ULK4: variants seen among roughly 807,000 people sequenced by gnomAD.
ULK4 encodes unc-51 like kinase 4.
In ULK4, 133 loss-of-function variants were observed where a neutral mutation model predicts 160.6. The observed-to-expected ratio is 0.83, with a 90% CI of 0.72 to 0.96. ULK4 has a LOEUF of 0.96. Ranked by LOEUF, ULK4 falls within the 40% of genes least tolerant of loss-of-function variation. The probability of loss-of-function intolerance (pLI) is 0.00; values close to 1 mark genes in which losing one functional copy is unlikely to be tolerated. For missense variants in ULK4, 1,580 were observed against 1,499.5 expected (o/e 1.05, Z -0.89); for synonymous variants, 534 against 539.8 (o/e 0.99, Z 0.15).
intron 32 of ULK4, among the ~76,000 whole-genome samples, chr3:41,562,088 A>G (rs1053868496): frequency 6.6e-6 from 1 of 152,198 alleles, no homozygotes; most frequent in Non-Finnish European, 1.5e-5. Context: ...TTCAAAGAAC[A>G]TCTTTATTTC....
intron 21 of ULK4, among the ~76,000 whole-genome samples, chr3:41,783,170 GAGGTAAATGTTTA>G: frequency 6.6e-6 from 1 of 151,848 alleles, no homozygotes; most frequent in Admixed American, 6.6e-5. Flanking sequence ...TTACCTCAGA[GAGGTAAATGTTTA>G]ACTTTGGCCT....
chr3:41,629,863 G>T (rs747029016), intron 30 of ULK4, among the ~76,000 whole-genome samples: 26 of 152,092 alleles, frequency 1.7e-4, no homozygotes, highest in Admixed American at 3.9e-4. Context: ...CAGGCATAGT[G>T]GTGGGTGCCT....
intron 35 of ULK4, among the ~76,000 whole-genome samples, chr3:41,314,263 T>C (rs2080105882): frequency 6.6e-6 from 1 of 152,230 alleles, no homozygotes; most frequent in Non-Finnish European, 1.5e-5. Context: ...CATGCATATA[T>C]TGTGCAGTGG....
At chr3:41,737,959 T>C (rs1204008274) in intron 22 of ULK4, among the ~76,000 whole-genome samples, 1 of 151,886 alleles carries the variant, frequency 6.6e-6, no homozygotes, top group Non-Finnish European at 1.5e-5. Context: ...TCTGTGGAGG[T>C]AGGCTAGTAT....
intron 31 of ULK4, among the ~76,000 whole-genome samples, chr3:41,614,418 G>A (rs1327467449): frequency 1.3e-5 from 2 of 152,164 alleles, no homozygotes; most frequent in African/African-American, 4.8e-5. Context: ...ATAACAAATT[G>A]GCAAATAATG....
At position 41,586,570 on chromosome 3, in the gene ULK4, T is replaced by C. The variant is rs1263872630; in HGVS notation, c.3121-20440A>G. Among the ~76,000 whole-genome samples, 7 of 152,180 alleles carry C rather than the reference T, an allele frequency of 4.6e-5. No individual in the cohort carries two copies. The East Asian group carries it at 5.8e-4, about 13-fold the overall frequency. ...AGATGAAACAAGTTCTAGAGATTCA[T>C]TGTATAACAATGTGAATATACTTAA... On this transcript the variant is annotated intron_variant, in intron 31 of 36. Coordinates refer to ENST00000301831, the MANE Select transcript of ULK4 (RefSeq NM_017886.4).
intron 25 of ULK4, among the ~76,000 whole-genome samples, chr3:41,707,091 T>C (rs1055056830): frequency 2.6e-5 from 4 of 152,104 alleles, no homozygotes; most frequent in Non-Finnish European, 5.9e-5. Flanking sequence ...GTATTTATCA[T>C]TTTCTTGGTT....
intron 34 of ULK4, among the ~76,000 whole-genome samples, chr3:41,451,100 T>C (rs1166629303): frequency 1.3e-5 from 2 of 152,130 alleles, no homozygotes; most frequent in Non-Finnish European, 2.9e-5. Flanking sequence ...CAGTGAAAGC[T>C]GCAGCTCCAG....
intron 27 of ULK4, among the ~76,000 whole-genome samples, chr3:41,691,419 CT>C (rs2036293659): frequency 6.6e-6 from 1 of 151,774 alleles, no homozygotes; most frequent in Non-Finnish European, 1.5e-5. Context: ...CCTTTTGTTC[CT>C]GCTATAAAAC....
intron 20 of ULK4, 81 bp downstream of exon 20, chr3:41,800,051 T>G: frequency 7.9e-7 from 1 of 1,261,392 alleles, no homozygotes; most frequent in South Asian, 2.2e-5. Context: ...TTAAATTAAA[T>G]TTATTCTTAT....
At chr3:41,511,027 G>T (rs924650813) in intron 32 of ULK4, among the ~76,000 whole-genome samples, 9 of 152,072 alleles carry the variant, frequency 5.9e-5, no homozygotes, top group African/African-American at 2.2e-4. Flanking sequence ...GCTGGGCGTG[G>T]TGGCATGCAC....
chr3:41,738,007 C>G (rs1025657027), intron 22 of ULK4, among the ~76,000 whole-genome samples: 24 of 151,958 alleles, frequency 1.6e-4, no homozygotes, highest in Non-Finnish European at 3.4e-4. Context: ...TACATCCCCT[C>G]TCTAGTAAGC....
At chr3:41,466,924 A>G (rs567561171) in intron 32 of ULK4, among the ~76,000 whole-genome samples, 2 of 152,274 alleles carry the variant, frequency 1.3e-5, no homozygotes, top group African/African-American at 2.4e-5. Flanking sequence ...CACAAAAGGT[A>G]TAACAGTCAA....
At chr3:41,265,627 A>AT (rs1308400054) in intron 35 of ULK4, among the ~76,000 whole-genome samples, 2 of 152,150 alleles carry the variant, frequency 1.3e-5, no homozygotes, top group Non-Finnish European at 2.9e-5. Flanking sequence ...GGTGGCTGTT[A>AT]TTTTTGTTGA....
At chr3:41,639,875 A>G (rs2125714241) in intron 30 of ULK4, among the ~76,000 whole-genome samples, 1 of 152,362 alleles carries the variant, frequency 6.6e-6, no homozygotes, top group East Asian at 1.9e-4. Context: ...AGTAATTTGA[A>G]GACTATTTCC....
chr3:41,348,131 C>A (rs2080836736), intron 35 of ULK4, among the ~76,000 whole-genome samples: 1 of 146,360 alleles, frequency 6.8e-6, no homozygotes, highest in Admixed American at 7.0e-5. Flanking sequence ...ATCGCTTGAA[C>A]CTGGGAGGTG....
At chr3:41,565,127 CG>C (rs1575422435) in intron 32 of ULK4, among the ~76,000 whole-genome samples, 1 of 152,164 alleles carries the variant, frequency 6.6e-6, no homozygotes, top group East Asian at 1.9e-4. Flanking sequence ...TAGTAGGCTA[CG>C]CCATCTAGAT....
At chr3:41,355,390 A>G (rs80329429) in intron 35 of ULK4, among the ~76,000 whole-genome samples, 1,757 of 152,286 alleles carry the variant, frequency 0.012, 17 homozygotes, top group Non-Finnish European at 0.02. Flanking sequence ...CCTAACTTCT[A>G]CTTATAGATC....
chr3:41,372,199 G>C (rs929310698), intron 35 of ULK4, among the ~76,000 whole-genome samples: 1 of 152,080 alleles, frequency 6.6e-6, no homozygotes, highest in Non-Finnish European at 1.5e-5. Flanking sequence ...GGAAAGAATG[G>C]AACCAAGTTG....
Sources: allele counts gnomAD v4.1 joint callset (sites outside exome capture counted in the v4.1 genomes callset), GRCh38; gene constraint gnomAD v4.1.1; transcripts MANE v1.5; gene names NCBI Gene and HGNC (gene_info 2026-07-23, HGNC 2026-07-21).